Variants in ANKHD1 observed in about 807,000 individuals in gnomAD.
The protein encoded by ANKHD1 is ankyrin repeat and KH domain containing 1.
Under a neutral mutation model 230.5 loss-of-function variants are expected in ANKHD1, and 31 were observed. That is an observed-to-expected ratio of 0.13 (90% CI 0.10 to 0.18). The LOEUF is 0.18. Among genes scored for constraint, ANKHD1 ranks in the 10% least tolerant of loss-of-function variants. The pLI is 1.00. For synonymous variants in ANKHD1, 1,074 were observed against 1,117.6 expected, an observed-to-expected ratio of 0.96 and a Z score of 0.78; for missense variants, 2,256 against 3,071.3, an observed-to-expected ratio of 0.73 and a Z score of 6.27.
chr5:140,471,212 TC>T (rs542840085), intron 10 of ANKHD1, among the ~76,000 whole-genome samples: 22 of 152,288 alleles, frequency 1.4e-4, no homozygotes, highest in African/African-American at 5.1e-4. Flanking sequence ...CTTCTATTCT[TC>T]CAATTCACTT....
intron 10 of ANKHD1, among the ~76,000 whole-genome samples, chr5:140,477,411 T>C (rs1423980399): frequency 1.3e-5 from 2 of 152,156 alleles, no homozygotes; most frequent in Non-Finnish European, 2.9e-5. Flanking sequence ...TAGCATTCTG[T>C]TTCCAGTAAA....
At chr5:140,403,506 G>C (rs983094027) in intron 1 of ANKHD1, among the ~76,000 whole-genome samples, 1 of 151,908 alleles carries the variant, frequency 6.6e-6, no homozygotes, top group African/African-American at 2.4e-5. Context: ...CCGCCTCCTG[G>C]GTTCAAGCGA....
At chr5:140,508,273 A>G (rs1175586206) in intron 20 of ANKHD1, among the ~76,000 whole-genome samples, 5 of 152,202 alleles carry the variant, frequency 3.3e-5, no homozygotes, top group African/African-American at 1.2e-4. Context: ...TGAATGTAGT[A>G]AGATTATTTT....
chr5:140,432,241 A>G (rs1773103740), intron 1 of ANKHD1, among the ~76,000 whole-genome samples: 1 of 152,104 alleles, frequency 6.6e-6, no homozygotes, highest in African/African-American at 2.4e-5. Context: ...ACTTACAGTC[A>G]CTCCTATTCT....
intron 1 of ANKHD1, among the ~76,000 whole-genome samples, chr5:140,420,100 A>G (rs557842063): frequency 9.5e-5 from 14 of 147,980 alleles, no homozygotes; most frequent in East Asian, 6.0e-4. Flanking sequence ...GGCTCAAACA[A>G]TTCTCCCCTC....
intron 1 of ANKHD1, among the ~76,000 whole-genome samples, chr5:140,430,786 G>A (rs1244063113): frequency 6.6e-6 from 1 of 151,316 alleles, no homozygotes; most frequent in African/African-American, 2.4e-5. Context: ...AGTTTCTTGA[G>A]TAGCTGGAAC....
intron 1 of ANKHD1, among the ~76,000 whole-genome samples, chr5:140,423,998 G>A (rs1034058307): frequency 3.3e-5 from 5 of 151,982 alleles, no homozygotes; most frequent in South Asian, 4.1e-4. Flanking sequence ...TTCCCATTTC[G>A]TAGATAAAGG....
intron 1 of ANKHD1, among the ~76,000 whole-genome samples, chr5:140,406,755 C>T (rs1434362946): frequency 2.0e-5 from 3 of 151,938 alleles, no homozygotes; most frequent in African/African-American, 4.8e-5. Context: ...AGGCTGGTCT[C>T]GAACTCCTGA....
chr5:140,505,674 A>C (rs770128867), intron 17 of ANKHD1, 50 bp from the exon 18 acceptor site: 4 of 1,550,794 alleles, frequency 2.6e-6, no homozygotes, highest in Non-Finnish European at 3.5e-6. Flanking sequence ...GTGGCTTTAA[A>C]ATAAAATAAA....
rs1032393335 is a variant in ANKHD1, at chr5:140,402,345, G to A, written c.306+72G>A. 3.0e-5 allele frequency: 41 copies of A among 1,381,812 alleles called. No individual in the cohort carries two copies. The South Asian group carries it at 6.5e-4, about 22-fold the overall frequency. 85.6% of individuals were successfully genotyped at this position (1,381,812 alleles called of 1,614,324 possible). ...TCTCTTTGGGTAGGCTCTGGGCCGG[G>A]GCCATCCTCCCGCTTCCCTGGTGGA... On this transcript the variant is annotated intron_variant, in intron 1 of 33. Transcript: ENST00000360839.
In ANKHD1 at chr5:140,445,969, T is replaced by C; in HGVS notation, c.1141T>C (p.Tyr381His). The change falls in exon 6 of 34, where the codon TAC becomes CAC. Residue 381 changes from tyrosine to histidine, a missense_variant. Tyr to His is a moderately conservative substitution (Grantham distance 83). Transcript: ENST00000360839. The stretch of plus-strand genomic sequence containing the variant: ...AGAAAGTGCTCTAACACTTGCTTGC[T>C]ACAAAGGTACTTAATACATGTATGA... ...FKESALTLAC[Y>H]KGHLDMVRFL... 1 of 1,595,550 alleles carries C rather than the reference T, an allele frequency of 6.3e-7. No individual in the cohort carries two copies. The highest frequency in any genetic ancestry group is 8.6e-7 in the Non-Finnish European group (1 of 1,169,568).
intron 1 of ANKHD1, among the ~76,000 whole-genome samples, chr5:140,418,034 G>T (rs921279231): frequency 6.7e-6 from 1 of 149,542 alleles, no homozygotes; most frequent in Admixed American, 6.7e-5. Context: ...TAGAGATGGG[G>T]TTTCACCATG....
intron 1 of ANKHD1, among the ~76,000 whole-genome samples, chr5:140,419,790 CTTTCTTT>C (rs1410761496): frequency 7.6e-6 from 1 of 132,380 alleles, no homozygotes; most frequent in African/African-American, 3.2e-5. Flanking sequence ...TTCTTTCTTT[CTTTCTTT>C]CTTTCTTTCT....
In ANKHD1 at chr5:140,419,774, TTTTCTTTCTTTCTTTCTTTC is replaced by T. The variant is rs199550424; in HGVS notation, c.307-16286_307-16267del. Among the ~76,000 whole-genome samples the T allele has an allele frequency of 8.8e-3, 763 of 86,906 alleles. 6 individuals are homozygous for T. The highest frequency in any genetic ancestry group is 0.018 in the African/African-American group (517 of 29,478). The allele number at this position is 86,906 out of a possible 152,430, so 57.0% of individuals were successfully genotyped here. ...TTCTTTTCTCTTCTCTTTCCTTTCT[TTTTCTTTCTTTCTTTCTTTC>T]TTTCTTTCTTTCTTTCTTTCTTTCT... On this transcript the variant is annotated intron_variant, in intron 1 of 33. Transcript: ENST00000360839.
chr5:140,428,774 C>CTTTTTA (rs952282579), intron 1 of ANKHD1, among the ~76,000 whole-genome samples: 129 of 152,036 alleles, frequency 8.5e-4, no homozygotes, highest in African/African-American at 2.9e-3. Flanking sequence ...CTAGAATATT[C>CTTTTTA]TTTTTATTTT....
intron 7 of ANKHD1, among the ~76,000 whole-genome samples, chr5:140,455,336 AAG>A (rs1338889556): frequency 1.3e-5 from 2 of 152,238 alleles, no homozygotes; most frequent in Non-Finnish European, 2.9e-5. Flanking sequence ...TCAATAGAAA[AAG>A]AGGGAATCCT....
intron 1 of ANKHD1, among the ~76,000 whole-genome samples, chr5:140,426,520 A>ATTTT (rs879607293): frequency 5.9e-5 from 9 of 151,820 alleles, no homozygotes; most frequent in Admixed American, 5.9e-4. Context: ...TTATTTATTT[A>ATTTT]TTTATTTATT....
chr5:140,458,965 T>TATGC (rs1554088311), intron 8 of ANKHD1, 103 bp downstream of exon 8: 1 of 26,172 alleles, frequency 3.8e-5, no homozygotes, highest in African/African-American at 1.6e-4. Flanking sequence ...TATATATATA[T>TATGC]ATATATATAT....
intron 1 of ANKHD1, among the ~76,000 whole-genome samples, chr5:140,402,973 T>C (rs1163518202): frequency 7.1e-6 from 1 of 140,558 alleles, no homozygotes; most frequent in Non-Finnish European, 1.5e-5. Flanking sequence ...TCTTTTTTTT[T>C]TTTTTTTTTT....
Sources: allele counts gnomAD v4.1 joint callset (sites outside exome capture counted in the v4.1 genomes callset), GRCh38; gene constraint gnomAD v4.1.1; transcripts MANE v1.5; gene names NCBI Gene and HGNC (gene_info 2026-07-23, HGNC 2026-07-21).